The following SLC6A15 variants were observed in gnomAD, a reference collection of about 807,000 sequenced individuals.
SLC6A15 encodes solute carrier family 6 member 15.
In SLC6A15, 33 loss-of-function variants were observed where a neutral mutation model predicts 68.5. The observed-to-expected ratio is 0.48, with a 90% CI of 0.37 to 0.64. The LOEUF (loss-of-function observed/expected upper bound fraction) is 0.64, where lower values mean the gene tolerates loss of function less well. Ranked by LOEUF, SLC6A15 falls within the 30% of genes least tolerant of loss-of-function variation. The pLI is 0.00. For synonymous variants in SLC6A15, 347 were observed against 301.0 expected, an observed-to-expected ratio of 1.15 and a Z score of -1.58; for missense variants, 747 against 874.3, an observed-to-expected ratio of 0.85 and a Z score of 1.84.
intron 1 of SLC6A15, among the ~76,000 whole-genome samples, chr12:84,908,445 CT>C (rs1420192689): frequency 6.6e-6 from 1 of 151,692 alleles, no homozygotes; most frequent in Middle Eastern, 3.2e-3. Context: ...TACTCATTGA[CT>C]TTTGTACCTT....
intron 1 of SLC6A15, among the ~76,000 whole-genome samples, chr12:84,905,213 T>C (rs1178050280): frequency 1.3e-5 from 2 of 152,188 alleles, no homozygotes; most frequent in African/African-American, 4.8e-5. Context: ...AAGAATTATA[T>C]TCCATGATCA....
rs774914324 is a variant in SLC6A15 at position 84,892,023 on chromosome 12, G to A, written c.98C>T (p.Ala33Val). Reference protein sequence around the residue: ...LLSNEDAADDAFKTSELIVDG... With the variant: ...LLSNEDAADDVFKTSELIVDG... ...AACAATTAGTTCACTTGTCTTAAAA[G>A]CATCATCAGCTGCGTCTTCATTGGA... Residue 33 changes from alanine to valine, a missense_variant, in exon 2 of 12, where the codon GCT becomes GTT. By Grantham distance (64) the Ala-to-Val change is moderately conservative. Transcript: ENST00000266682. The A allele has an allele frequency of 5.6e-6, 9 of 1,613,752 alleles. No homozygotes were observed. In the South Asian group the frequency reaches 9.9e-5, roughly 18 times the overall value.
rs1555183734 is a variant in SLC6A15, at chr12:84,910,953, G to GTCTT, written c.-189+1566_-189+1569dup. Reference sequence around the variant, plus strand: ...CGTGTGTGTGTGTGTGTGTGTGTGTGTCTTTAACCCTCGCCTTCCCTTCAA... The same window carrying GTCTT: ...CGTGTGTGTGTGTGTGTGTGTGTGTGTCTTTCTTTAACCCTCGCCTTCCCTTCAA... On this transcript the variant is annotated intron_variant, in intron 1 of 11. Transcript: ENST00000266682. Among the ~76,000 whole-genome samples the GTCTT allele has an allele frequency of 2.3e-3, 335 of 143,326 alleles. 3 individuals carry two copies. Among genetic ancestry groups the GTCTT allele is most frequent in the African/African-American group, 8.4e-3 (290 of 34,324 alleles). The allele number at this position is 143,326 out of a possible 152,430, so 94.0% of individuals were successfully genotyped here.
chr12:84,867,508 A>G (rs984508984), intron 9 of SLC6A15: 1 of 166,618 alleles, frequency 6.0e-6, no homozygotes, highest in African/African-American at 2.4e-5. Flanking sequence ...TCCATACTCT[A>G]TTCGTATAAT....
chr12:84,865,077 G>T (rs548824784), intron 10 of SLC6A15, among the ~76,000 whole-genome samples: 1 of 152,150 alleles, frequency 6.6e-6, no homozygotes, highest in African/African-American at 2.4e-5. Flanking sequence ...TTTATTTACA[G>T]ATCAGTCCAA....
At chr12:84,900,385 T>A (rs1266704178) in intron 1 of SLC6A15, among the ~76,000 whole-genome samples, 1 of 151,998 alleles carries the variant, frequency 6.6e-6, no homozygotes, top group Non-Finnish European at 1.5e-5. Flanking sequence ...ACTTACATAA[T>A]CATGTCATCA....
intron 1 of SLC6A15, among the ~76,000 whole-genome samples, chr12:84,898,620 C>A (rs1872728027): frequency 6.6e-6 from 1 of 152,116 alleles, no homozygotes; most frequent in Non-Finnish European, 1.5e-5. Context: ...AAAATGAGAA[C>A]AATAATATAC....
In SLC6A15 at chr12:84,870,551, A is replaced by T; in HGVS notation, c.1422T>A (p.Ser474Arg). The stretch of plus-strand genomic sequence containing the variant: ...CAATCCCTTCAATGGTTCCAAACAT[A>T]CTGCCAAGGCCTAGATTGACCAGCA... ...FLMLVNLGLG[S>R]MFGTIEGIVT... Residue 474 changes from serine to arginine, a missense_variant, in exon 9 of 12, where the codon AGT becomes AGA. Transcript: ENST00000266682. The T allele has an allele frequency of 6.2e-7, 1 of 1,606,008 alleles. No homozygotes were observed. Among genetic ancestry groups the T allele is most frequent in the Non-Finnish European group, 8.5e-7 (1 of 1,175,840 alleles).
Position 84,861,978 on chromosome 12 carries a change from G to C in SLC6A15, c.1847C>G (p.Thr616Arg). Reference sequence around the variant, plus strand: ...AGAGACACAAACAACCAGTCCCCATGTTGGATAGCTCAGAAATTCTTCAGA... The same window carrying C: ...AGAGACACAAACAACCAGTCCCCATCTTGGATAGCTCAGAAATTCTTCAGA... ...KASEEFLSYP[T>R]WGLVVCVSLV... The change falls in exon 12 of 12, where the codon ACA (threonine) becomes AGA (arginine). Residue 616 changes from threonine (T) to arginine (R), a missense_variant. Transcript: ENST00000266682. 1 of 1,604,330 alleles carries C rather than the reference G, an allele frequency of 6.2e-7. No individual in the cohort carries two copies. Among genetic ancestry groups the C allele is most frequent in the Non-Finnish European group, 8.5e-7 (1 of 1,176,774 alleles).
intron 1 of SLC6A15, among the ~76,000 whole-genome samples, chr12:84,911,150 A>G (rs1213437619): frequency 6.6e-6 from 1 of 152,164 alleles, no homozygotes; most frequent in Non-Finnish European, 1.5e-5. Context: ...GTCTGCACAT[A>G]ATAATTCCTC....
chr12:84,909,058 C>T (rs909891745), intron 1 of SLC6A15, among the ~76,000 whole-genome samples: 17 of 152,032 alleles, frequency 1.1e-4, no homozygotes, highest in Non-Finnish European at 8.8e-5. Context: ...ACAGCTTGAT[C>T]AAAAGGTATG....
rs796199084 is a variant in SLC6A15 at position 84,879,600 on chromosome 12, A to G, written c.757-2993T>C. Among the ~76,000 whole-genome samples the G allele has an allele frequency of 2.6e-5, 4 of 151,920 alleles. 1 individual carries two copies. The highest frequency in any genetic ancestry group is 7.2e-5 in the African/African-American group (3 of 41,486). ...CTCGGCCTCCAAAAGTGCTGGGATT[A>G]CAGGCGTGAGCCACCGCCTGGCCAC... On this transcript the variant is annotated intron_variant, in intron 5 of 11. Transcript: ENST00000266682.
At chr12:84,874,766 C>A (rs897485290) in intron 6 of SLC6A15, among the ~76,000 whole-genome samples, 13 of 152,150 alleles carry the variant, frequency 8.5e-5, no homozygotes, top group African/African-American at 2.9e-4. Context: ...GACCTATTAA[C>A]TAAAGACATT....
chr12:84,889,503 TAAAAATAAAAATAAAAATA>T (rs1220680018), intron 2 of SLC6A15, among the ~76,000 whole-genome samples: 29 of 136,174 alleles, frequency 2.1e-4, no homozygotes, highest in African/African-American at 9.2e-4. Flanking sequence ...CAGAAAAAAA[TAAAAATAAAAATAAAAATA>T]AAAATAAAAA....
At chr12:84,869,811 A>T (rs1270300452) in intron 9 of SLC6A15, among the ~76,000 whole-genome samples, 2 of 152,098 alleles carry the variant, frequency 1.3e-5, no homozygotes, top group Non-Finnish European at 2.9e-5. Context: ...TATCTATGCA[A>T]TCTGATTTTA....
intron 5 of SLC6A15, among the ~76,000 whole-genome samples, chr12:84,877,275 C>G (rs1307832492): frequency 6.6e-6 from 1 of 152,168 alleles, no homozygotes; most frequent in Non-Finnish European, 1.5e-5. Context: ...AAGCTATTCC[C>G]ACCCATCTCT....
chr12:84,904,160 C>A (rs532166894), intron 1 of SLC6A15, among the ~76,000 whole-genome samples: 43 of 149,508 alleles, frequency 2.9e-4, no homozygotes, highest in African/African-American at 1.0e-3. Context: ...GTCTGCTTCT[C>A]CTGCTAGAAA....
intron 1 of SLC6A15, among the ~76,000 whole-genome samples, chr12:84,908,755 T>C (rs976865626): frequency 1.3e-5 from 2 of 151,840 alleles, no homozygotes; most frequent in Admixed American, 6.6e-5. Context: ...TTAAACACTC[T>C]ATATATATTC....
chr12:84,871,597 C>T (rs968583601), intron 8 of SLC6A15, among the ~76,000 whole-genome samples: 6 of 151,464 alleles, frequency 4.0e-5, no homozygotes, highest in East Asian at 1.9e-4. Flanking sequence ...AAACTTTGAA[C>T]GGTACATTAG....
Sources: gnomAD v4.1 joint callset for allele counts (sites outside exome capture counted in the v4.1 genomes callset) on GRCh38, gnomAD v4.1.1 for gene constraint, MANE v1.5 for transcripts, NCBI Gene and HGNC (gene_info 2026-07-23, HGNC 2026-07-21) for gene names.